The following PLXDC2 variants were observed in gnomAD, a reference collection of about 807,000 sequenced individuals.
PLXDC2 encodes plexin domain-containing protein 2.
In PLXDC2, 40 loss-of-function variants were observed where a neutral mutation model predicts 68.9. The observed-to-expected ratio is 0.58, with a 90% CI of 0.45 to 0.76. The LOEUF is 0.76. PLXDC2 is among the 30% of genes least tolerant of loss of function. The pLI, the probability that PLXDC2 is intolerant of heterozygous loss-of-function variation, is 0.00. For missense variants in PLXDC2, 644 were observed against 661.9 expected (o/e 0.97, Z 0.30); for synonymous variants, 243 against 234.2 (o/e 1.04, Z -0.34).
At chr10:19,867,364 C>T (rs1837440055) in intron 1 of PLXDC2, among the ~76,000 whole-genome samples, 1 of 152,126 alleles carries the variant, frequency 6.6e-6, no homozygotes, top group African/African-American at 2.4e-5. Context: ...CACTCCTGGC[C>T]TCCGTTCCCT....
Position 20,056,026 on chromosome 10 carries a change from G to A in PLXDC2, c.471+9011G>A, listed in dbSNP as rs144928425. Among the ~76,000 whole-genome samples the A allele has an allele frequency of 4.1e-3, 630 of 152,052 alleles. 4 individuals carry two copies. The highest frequency in any genetic ancestry group is 0.014 in the African/African-American group (567 of 41,492). ...CAAAAGCATAGGATTTGGCATCATCGGATCCAAATTCAAGTTTATTACAAC... is the reference window on the plus strand; with the variant it reads ...CAAAAGCATAGGATTTGGCATCATCAGATCCAAATTCAAGTTTATTACAAC... On this transcript the variant is annotated intron_variant, in intron 3 of 13. Coordinates refer to ENST00000377252, the MANE Select transcript of PLXDC2 (RefSeq NM_032812.9).
At chr10:19,868,690 A>C (rs1837467831) in intron 1 of PLXDC2, among the ~76,000 whole-genome samples, 1 of 152,154 alleles carries the variant, frequency 6.6e-6, no homozygotes, top group African/African-American at 2.4e-5. Context: ...TTTTCAAAAA[A>C]TTTACCCTCT....
intron 1 of PLXDC2, among the ~76,000 whole-genome samples, chr10:19,835,697 T>C (rs567464762): frequency 2.0e-4 from 31 of 152,058 alleles, no homozygotes; most frequent in African/African-American, 7.5e-4. Flanking sequence ...GCGGGAGATA[T>C]AGGAGGAGCC....
At chr10:20,069,102 T>C (rs77340797) in intron 4 of PLXDC2, among the ~76,000 whole-genome samples, 2,750 of 152,308 alleles carry the variant, frequency 0.018, 90 homozygotes, top group African/African-American at 0.063. Flanking sequence ...TCTCTTTCCT[T>C]CACTGAATCT....
intron 13 of PLXDC2, among the ~76,000 whole-genome samples, chr10:20,246,569 C>G (rs189958144): frequency 1.3e-5 from 2 of 152,180 alleles, no homozygotes; most frequent in Non-Finnish European, 2.9e-5. Flanking sequence ...AGACTGGTCT[C>G]AAACTCCTGA....
chr10:20,135,652 G>T lies in PLXDC2; in HGVS notation c.542-7643G>T, dbSNP rs1833924116. The stretch of plus-strand genomic sequence containing the variant: ...TTCAGCTCCTGTTCTTTCTGGAGCT[G>T]TGGAGAGCCTCTGTATATGGTCAAC... On this transcript the variant is annotated intron_variant, in intron 4 of 13. Transcript: ENST00000377252. Among the ~76,000 whole-genome samples, 4 of 152,264 alleles carry T rather than the reference G, an allele frequency of 2.6e-5. No individual in the cohort carries two copies. In the South Asian group the frequency reaches 8.3e-4, roughly 32 times the overall value.
chr10:19,928,008 C>T (rs1833567158), intron 1 of PLXDC2, among the ~76,000 whole-genome samples: 3 of 152,082 alleles, frequency 2.0e-5, no homozygotes, highest in Non-Finnish European at 4.4e-5. Flanking sequence ...CTTTTGTGCA[C>T]CCATAGCTTA....
chr10:20,150,447 C>T (rs1480534035), intron 6 of PLXDC2, among the ~76,000 whole-genome samples: 2 of 152,238 alleles, frequency 1.3e-5, no homozygotes, highest in Non-Finnish European at 2.9e-5. Flanking sequence ...TGTGGCGATT[C>T]CTCAAAGAAA....
At chr10:19,928,599 G>A (rs1308919399) in intron 1 of PLXDC2, among the ~76,000 whole-genome samples, 1 of 152,170 alleles carries the variant, frequency 6.6e-6, no homozygotes, top group African/African-American at 2.4e-5. Context: ...AAGTGTGCCA[G>A]AGATCCAGGC....
intron 9 of PLXDC2, among the ~76,000 whole-genome samples, chr10:20,191,532 A>T (rs1410854840): frequency 6.7e-6 from 1 of 148,326 alleles, no homozygotes; most frequent in African/African-American, 2.5e-5. Flanking sequence ...CTTTCCCTGC[A>T]CTCCACTAAC....
At chr10:19,930,388 C>T (rs948894804) in intron 1 of PLXDC2, among the ~76,000 whole-genome samples, 2 of 151,874 alleles carry the variant, frequency 1.3e-5, no homozygotes, top group African/African-American at 4.8e-5. Flanking sequence ...AGGTCTTTAG[C>T]TTTGTGATCT....
At chr10:20,070,882 C>A (rs1051534903) in intron 4 of PLXDC2, 1 of 151,982 alleles carries the variant, frequency 6.6e-6, no homozygotes, top group African/African-American at 2.4e-5. Flanking sequence ...TTTCTCCTAG[C>A]GGAACTGGCA....
At chr10:20,182,881 G>A (rs1482256304) in intron 9 of PLXDC2, among the ~76,000 whole-genome samples, 4 of 151,892 alleles carry the variant, frequency 2.6e-5, no homozygotes, top group Non-Finnish European at 5.9e-5. Flanking sequence ...GGTGTGTGAT[G>A]TTCCCCTCCC....
At chr10:19,919,039 G>T (rs544620173) in intron 1 of PLXDC2, among the ~76,000 whole-genome samples, 3 of 152,156 alleles carry the variant, frequency 2.0e-5, no homozygotes, top group Admixed American at 2.0e-4. Context: ...TGTGAGAAGC[G>T]CAGTGTTGAT....
Position 19,911,843 on chromosome 10 carries a change from TATTTA to T in PLXDC2, c.113-89928_113-89924del, listed in dbSNP as rs1462343993. On this transcript the variant is annotated intron_variant, in intron 1 of 13. Transcript: ENST00000377252. ...ACAATTTTTCTGTGTTACAGATCAG[TATTTA>T]ATTCTGTGCAAATATGGATAGTGAA... 7.9e-5 allele frequency among the ~76,000 whole-genome samples: 12 copies of T among 152,354 alleles called. No individual in the cohort carries two copies. The South Asian group carries it at 1.0e-3, about 13-fold the overall frequency.
In PLXDC2 at chr10:19,994,517, T is replaced by C. The variant is rs532759061; in HGVS notation, c.113-7258T>C. ...ATGTTTCTCACCAAAATTTACTAAATTTTGCAGTTATAGTAGAGATGGGGT... is the reference window on the plus strand; with the variant it reads ...ATGTTTCTCACCAAAATTTACTAAACTTTGCAGTTATAGTAGAGATGGGGT... On this transcript the variant is annotated intron_variant, in intron 1 of 13. Coordinates refer to ENST00000377252, the MANE Select transcript of PLXDC2 (RefSeq NM_032812.9). Among the ~76,000 whole-genome samples the C allele has an allele frequency of 2.6e-5, 4 of 151,384 alleles. No homozygotes were observed. In the East Asian group the frequency reaches 7.8e-4, roughly 30 times the overall value.
chr10:19,936,607 C>T (rs1833729767), intron 1 of PLXDC2, among the ~76,000 whole-genome samples: 1 of 152,180 alleles, frequency 6.6e-6, no homozygotes, highest in African/African-American at 2.4e-5. Flanking sequence ...GGGGCGGGCT[C>T]ACACCAGCTT....
At chr10:19,945,768 T>G (rs1833891241) in intron 1 of PLXDC2, among the ~76,000 whole-genome samples, 2 of 152,158 alleles carry the variant, frequency 1.3e-5, no homozygotes, top group African/African-American at 4.8e-5. Flanking sequence ...CTGAGTCTTG[T>G]GGAGTGAGAA....
At position 19,816,753 on chromosome 10, in the gene PLXDC2, C is replaced by T; in HGVS notation, c.-327C>T. The T allele has an allele frequency of 2.3e-6, 1 of 439,504 alleles. No individual in the cohort carries two copies. The allele number at this position is 439,504 out of a possible 1,614,324, so 27.2% of individuals were successfully genotyped here. On this transcript the variant is annotated 5_prime_UTR_variant, in exon 1 of 14. Transcript: ENST00000377252. ...TCACCGTCCGCGGGCACCGGGTTGG[C>T]GCTGCCCGAGTGGAACCGACAGTTT...
Sources: allele counts gnomAD v4.1 joint callset (sites outside exome capture counted in the v4.1 genomes callset), GRCh38; gene constraint gnomAD v4.1.1; transcripts MANE v1.5; gene names NCBI Gene and HGNC (gene_info 2026-07-23, HGNC 2026-07-21).